The following EYS variants were observed in gnomAD, a reference collection of about 807,000 sequenced individuals.
EYS encodes the protein protein eyes shut homolog.
Under a neutral mutation model 282.1 loss-of-function variants are expected in EYS, and 250 were observed. The observed-to-expected ratio is 0.89, with a 90% CI of 0.80 to 0.98. The LOEUF is 0.98. EYS is among the 50% of genes least tolerant of loss of function. EYS has a pLI of 0.00. For missense variants in EYS, 4,016 were observed against 3,709.0 expected (o/e 1.08, Z -2.15); for synonymous variants, 1,355 against 1,282.9 (o/e 1.06, Z -1.20).
chr6:65,021,127 C>A (rs898626016), intron 13 of EYS, among the ~76,000 whole-genome samples: 1 of 152,154 alleles, frequency 6.6e-6, no homozygotes, highest in Non-Finnish European at 1.5e-5. Flanking sequence ...CATTCTGCTC[C>A]TCATTACTTT....
intron 26 of EYS, among the ~76,000 whole-genome samples, chr6:64,464,649 C>T (rs922933563): frequency 2.6e-5 from 4 of 151,874 alleles, no homozygotes; most frequent in African/African-American, 9.7e-5. Flanking sequence ...TAACAACAGA[C>T]TATACAAAAA....
chr6:64,290,842 GAGCCAA>G (rs1217049393), intron 30 of EYS, among the ~76,000 whole-genome samples: 1 of 136,626 alleles, frequency 7.3e-6, no homozygotes, highest in Non-Finnish European at 1.6e-5. Flanking sequence ...TTTCCATAAA[GAGCCAA>G]ATGGTAAATA....
intron 12 of EYS, among the ~76,000 whole-genome samples, chr6:65,091,980 C>T (rs1774588101): frequency 1.3e-5 from 2 of 152,180 alleles, no homozygotes; most frequent in Middle Eastern, 3.4e-3. Flanking sequence ...TTCCCTCGGA[C>T]CCCAGCTTGG....
rs1391127322 is a variant in EYS at position 63,873,002 on chromosome 6, GTTTTTTAT to G, written c.7056-8652_7056-8645del. 3.3e-5 allele frequency among the ~76,000 whole-genome samples: 5 copies of G among 151,622 alleles called. No homozygotes were observed. In the East Asian group the frequency reaches 9.7e-4, roughly 30 times the overall value. On this transcript the variant is annotated intron_variant, in intron 35 of 42. Transcript: ENST00000503581. ...CTCAGGGAGAAAAATATCTTTTTTT[GTTTTTTAT>G]TTTTTTATTATACTTTAAATTCTAG...
chr6:64,836,431 T>TAC (rs1000959065), intron 19 of EYS, among the ~76,000 whole-genome samples: 7 of 151,526 alleles, frequency 4.6e-5, no homozygotes, highest in Non-Finnish European at 4.4e-5. Flanking sequence ...TCTTTATGCA[T>TAC]ACACACACAT....
chr6:63,777,417 G>T (rs1014041417), intron 40 of EYS, among the ~76,000 whole-genome samples: 10 of 152,146 alleles, frequency 6.6e-5, no homozygotes, highest in African/African-American at 2.4e-4. Flanking sequence ...AGAAATTTAT[G>T]AGTAGCTAGA....
chr6:65,452,102 CACTTGTA>C (rs1450134122), intron 5 of EYS, among the ~76,000 whole-genome samples: 3 of 151,628 alleles, frequency 2.0e-5, no homozygotes, highest in Admixed American at 2.0e-4. Context: ...ATATGTCATA[CACTTGTA>C]ATAGTACCTT....
chr6:63,884,961 A>G (rs1262706678), intron 35 of EYS, among the ~76,000 whole-genome samples: 1 of 152,164 alleles, frequency 6.6e-6, no homozygotes, highest in Non-Finnish European at 1.5e-5. Context: ...AAGAAATTTT[A>G]TAATGGGTAG....
intron 22 of EYS, among the ~76,000 whole-genome samples, chr6:64,812,170 T>A (rs1228651731): frequency 6.6e-6 from 1 of 151,866 alleles, no homozygotes. Flanking sequence ...CTATATTTTA[T>A]CAATCTACAA....
intron 2 of EYS, among the ~76,000 whole-genome samples, chr6:65,592,101 C>G (rs1425410820): frequency 4.0e-5 from 6 of 151,888 alleles, no homozygotes; most frequent in Admixed American, 3.9e-4. Flanking sequence ...TCTTAATATT[C>G]ACTAATTTTG....
At chr6:65,059,207 G>A (rs1773500990) in intron 12 of EYS, among the ~76,000 whole-genome samples, 1 of 151,788 alleles carries the variant, frequency 6.6e-6, no homozygotes. Flanking sequence ...GAACCCTACT[G>A]TCAAAGCAAA....
chr6:64,805,079 T>A (rs1488583438), intron 22 of EYS, among the ~76,000 whole-genome samples: 1 of 152,066 alleles, frequency 6.6e-6, no homozygotes, highest in African/African-American at 2.4e-5. Context: ...AATTTTAATC[T>A]TATTTTGAAA....
At chr6:64,470,150 TTGG>T (rs892225866) in intron 26 of EYS, among the ~76,000 whole-genome samples, 1 of 152,182 alleles carries the variant, frequency 6.6e-6, no homozygotes, top group African/African-American at 2.4e-5. Context: ...TCTCTGCGTC[TTGG>T]TGGTAGTGGT....
At chr6:64,392,481 A>C (rs1047937920) in intron 28 of EYS, among the ~76,000 whole-genome samples, 5 of 151,452 alleles carry the variant, frequency 3.3e-5, no homozygotes, top group Admixed American at 2.6e-4. Context: ...ACTCACTCAA[A>C]ACCGCTCAAC....
intron 1 of EYS, among the ~76,000 whole-genome samples, chr6:65,664,564 T>C (rs1712523954): frequency 6.6e-6 from 1 of 151,996 alleles, no homozygotes; most frequent in Non-Finnish European, 1.5e-5. Flanking sequence ...AAGAAGACAA[T>C]GGCATTAATA....
chr6:65,347,736 T>TTATA (rs999873724), intron 9 of EYS, among the ~76,000 whole-genome samples: 12 of 151,656 alleles, frequency 7.9e-5, no homozygotes, highest in Admixed American at 2.6e-4. Flanking sequence ...GATAACCCAA[T>TTATA]TATATTCTTT....
chr6:64,239,858 G>C (rs1766740076), intron 30 of EYS, among the ~76,000 whole-genome samples: 1 of 152,008 alleles, frequency 6.6e-6, no homozygotes, highest in Non-Finnish European at 1.5e-5. Flanking sequence ...GTATTGTCTA[G>C]GTTTTCTTCT....
At chr6:64,331,421 T>C (rs1770641330) in intron 29 of EYS, among the ~76,000 whole-genome samples, 1 of 152,024 alleles carries the variant, frequency 6.6e-6, no homozygotes. Context: ...AGAGCTGCAA[T>C]GACAGAGGTA....
At chr6:64,646,497 G>C (rs758890759) in intron 22 of EYS, among the ~76,000 whole-genome samples, 9 of 152,032 alleles carry the variant, frequency 5.9e-5, no homozygotes, top group Non-Finnish European at 1.3e-4. Context: ...TGAAGTTTGA[G>C]ATATTTATAA....
Sources: allele counts gnomAD v4.1 joint callset (sites outside exome capture counted in the v4.1 genomes callset), GRCh38; gene constraint gnomAD v4.1.1; transcripts MANE v1.5; gene names NCBI Gene and HGNC (gene_info 2026-07-23, HGNC 2026-07-21).